The following PTCSC3 variants were observed in gnomAD, a reference collection of about 807,000 sequenced individuals.
PTCSC3 encodes papillary thyroid carcinoma susceptibility candidate 3 (non-protein coding).
intron 1 of PTCSC3, among the ~76,000 whole-genome samples, chr14:36,171,610 C>A (rs1882194199): frequency 6.6e-6 from 1 of 152,076 alleles, no homozygotes; most frequent in African/African-American, 2.4e-5. Context: ...AATCCCATTG[C>A]TTTCATGTGT....
chr14:36,167,788 G>GA (rs896464613), intron 1 of PTCSC3, among the ~76,000 whole-genome samples: 1 of 151,906 alleles, frequency 6.6e-6, no homozygotes, highest in African/African-American at 2.4e-5. Context: ...CGTCAGAGGG[G>GA]AAAAAACGCT....
intron 3 of PTCSC3, among the ~76,000 whole-genome samples, chr14:36,148,390 A>C (rs1295883239): frequency 6.6e-6 from 1 of 152,244 alleles, no homozygotes; most frequent in African/African-American, 2.4e-5. Flanking sequence ...AGCCTGTCGG[A>C]AAAGCGCAGT....
chr14:36,158,731 C>G (rs1256058795), intron 2 of PTCSC3, among the ~76,000 whole-genome samples: 2 of 152,164 alleles, frequency 1.3e-5, no homozygotes, highest in Non-Finnish European at 2.9e-5. Context: ...GGTTGTGTCT[C>G]TGCCAGGTTT....
At chr14:36,172,706 A>C (rs1203519973) in intron 1 of PTCSC3, among the ~76,000 whole-genome samples, 1 of 151,968 alleles carries the variant, frequency 6.6e-6, no homozygotes, top group African/African-American at 2.4e-5. Context: ...ATCCATTTCC[A>C]GTGCTCAGTT....
chr14:36,166,653 C>G (rs1450588302), intron 1 of PTCSC3, among the ~76,000 whole-genome samples: 1 of 151,994 alleles, frequency 6.6e-6, no homozygotes, highest in Non-Finnish European at 1.5e-5. Context: ...TCTGTGGTTG[C>G]TAGGGAATGT....
At chr14:36,151,502 T>A (rs1881722724) in intron 3 of PTCSC3, among the ~76,000 whole-genome samples, 1 of 152,204 alleles carries the variant, frequency 6.6e-6, no homozygotes, top group Non-Finnish European at 1.5e-5. Flanking sequence ...AGTATTCCCA[T>A]TATATGTATG....
chr14:36,174,272 T>C (rs1385392795), intron 1 of PTCSC3, among the ~76,000 whole-genome samples: 1 of 152,160 alleles, frequency 6.6e-6, no homozygotes, highest in African/African-American at 2.4e-5. Flanking sequence ...TTCTTCTCTC[T>C]ACTCTCCAGA....
At chr14:36,164,003 C>T (rs2139109014) in intron 1 of PTCSC3, 1 of 152,272 alleles carries the variant, frequency 6.6e-6, no homozygotes, top group South Asian at 2.1e-4. Context: ...ATATGCACCA[C>T]ATAGATGAAA....
chr14:36,140,089 T>C (rs1288228521), intron 3 of PTCSC3, among the ~76,000 whole-genome samples: 1 of 152,248 alleles, frequency 6.6e-6, no homozygotes, highest in Non-Finnish European at 1.5e-5. Flanking sequence ...TGACAGAGTA[T>C]GTAAACTTTT....
chr14:36,166,705 CAGAAAT>C (rs1188923498), intron 1 of PTCSC3, among the ~76,000 whole-genome samples: 1 of 151,982 alleles, frequency 6.6e-6, no homozygotes, highest in Non-Finnish European at 1.5e-5. Flanking sequence ...ATGTGTCAGG[CAGAAAT>C]AGAAGGTATG....
chr14:36,142,963 C>T (rs61996560), intron 3 of PTCSC3, among the ~76,000 whole-genome samples: 9,136 of 152,038 alleles, frequency 0.06, 425 homozygotes, highest in Middle Eastern at 0.17. Flanking sequence ...CAATTTCACC[C>T]ATGTCCCTAC....
chr14:36,146,663 T>C (rs1422044834), intron 3 of PTCSC3, among the ~76,000 whole-genome samples: 1 of 152,264 alleles, frequency 6.6e-6, no homozygotes, highest in Non-Finnish European at 1.5e-5. Flanking sequence ...TCCGTTTACA[T>C]TTAAAGTTAA....
At chr14:36,158,939 T>C (rs975323110) in intron 2 of PTCSC3, among the ~76,000 whole-genome samples, 28 of 152,214 alleles carry the variant, frequency 1.8e-4, no homozygotes, top group African/African-American at 6.8e-4. Flanking sequence ...GAACTTGTTA[T>C]TGGTCTATTC....
At chr14:36,163,960 A>G (rs369785743) in intron 1 of PTCSC3, among the ~76,000 whole-genome samples, 3 of 152,236 alleles carry the variant, frequency 2.0e-5, no homozygotes, top group African/African-American at 7.2e-5. Context: ...TTCATTTATA[A>G]CAACAGACGG....
At chr14:36,140,018 A>G (rs1881382968) in intron 3 of PTCSC3, among the ~76,000 whole-genome samples, 1 of 152,126 alleles carries the variant, frequency 6.6e-6, no homozygotes, top group South Asian at 2.1e-4. Context: ...AATCCATGCA[A>G]CCATGGACCT....
chr14:36,171,512 C>T (rs748940366), intron 1 of PTCSC3, among the ~76,000 whole-genome samples: 1 of 152,174 alleles, frequency 6.6e-6, no homozygotes, highest in Non-Finnish European at 1.5e-5. Flanking sequence ...TCACTCCTTT[C>T]ATTTGAGACT....
chr14:36,158,042 G>A (rs1566508169), intron 2 of PTCSC3, among the ~76,000 whole-genome samples: 1 of 152,054 alleles, frequency 6.6e-6, no homozygotes. Context: ...GTTCACTCGT[G>A]ATTTGGCTGT....
Position 36,147,638 on chromosome 14 carries a change from G to A in PTCSC3, n.322+6166C>T, listed in dbSNP as rs568053559. The stretch of plus-strand genomic sequence containing the variant: ...TCCCGTAGCTCAGAGTAATTTGATC[G>A]TCTGAAGCCTTCTTCTCTCAGCTCG... On this transcript the variant is annotated intron_variant and non_coding_transcript_variant, in intron 3 of 3. Transcript: ENST00000556013. 3.7e-4 allele frequency among the ~76,000 whole-genome samples: 56 copies of A among 151,742 alleles called. 1 individual carries two copies. Among genetic ancestry groups the A allele is most frequent in the Non-Finnish European group, 5.0e-4 (34 of 67,844 alleles).
chr14:36,164,888 C>T (rs187362229), intron 1 of PTCSC3, among the ~76,000 whole-genome samples: 27 of 152,196 alleles, frequency 1.8e-4, no homozygotes, highest in African/African-American at 5.5e-4. Flanking sequence ...ATCTTTGTAA[C>T]GGTGATATCT....
Sources: gnomAD v4.1 joint callset for allele counts (sites outside exome capture counted in the v4.1 genomes callset) on GRCh38, gnomAD v4.1.1 for gene constraint, MANE v1.5 for transcripts, NCBI Gene and HGNC (gene_info 2026-07-23, HGNC 2026-07-21) for gene names.